Variants in SMYD3 observed in about 807,000 individuals in gnomAD.
SMYD3 encodes histone-lysine N-methyltransferase SMYD3.
In SMYD3, 36 loss-of-function variants were observed where a neutral mutation model predicts 57.7. The ratio of observed to expected loss-of-function variants is 0.62; its 90% CI spans 0.48 to 0.82. The LOEUF (loss-of-function observed/expected upper bound fraction) is 0.82. Among genes scored for constraint, SMYD3 ranks in the 40% least tolerant of loss-of-function variants. The pLI is 0.00. For synonymous variants in SMYD3, 211 were observed against 195.0 expected (o/e 1.08, Z -0.68); for missense variants, 515 against 538.8 (o/e 0.96, Z 0.44).
intron 5 of SMYD3, among the ~76,000 whole-genome samples, chr1:245,958,031 G>C (rs1056265758): frequency 1.3e-5 from 2 of 152,102 alleles, no homozygotes; most frequent in African/African-American, 2.4e-5. Context: ...AAAAAAAGCG[G>C]GGGGGAGAAA....
At chr1:246,426,393 T>TA (rs2067218571) in intron 1 of SMYD3, among the ~76,000 whole-genome samples, 1 of 152,294 alleles carries the variant, frequency 6.6e-6, no homozygotes, top group Middle Eastern at 3.4e-3. Context: ...TTAGGCCCAT[T>TA]AGGAGTTACT....
At position 245,928,036 on chromosome 1, in the gene SMYD3, G is replaced by A. The variant is rs1359448994; in HGVS notation, c.600-3C>T. 1.9e-6 allele frequency: 3 copies of A among 1,593,838 alleles called. No homozygotes were observed. The highest frequency in any genetic ancestry group is 2.3e-5 in the South Asian group (2 of 88,472). Reference sequence around the variant, plus strand: ...AGCTGTGATTGAGCAAAGAGATACTGGAAAAAAAAAGGGGGGAAGACTGTC... The same window carrying A: ...AGCTGTGATTGAGCAAAGAGATACTAGAAAAAAAAAGGGGGGAAGACTGTC... On this transcript the variant is annotated splice_region_variant and splice_polypyrimidine_tract_variant and intron_variant, in intron 6 of 11. Coordinates refer to ENST00000490107, the MANE Select transcript of SMYD3 (RefSeq NM_001167740.2).
intron 5 of SMYD3, among the ~76,000 whole-genome samples, chr1:246,312,033 C>G (rs188750830): frequency 6.6e-6 from 1 of 152,270 alleles, no homozygotes; most frequent in East Asian, 1.9e-4. Context: ...AAGCATAATG[C>G]AAGCCATGGA....
rs554964642 is a variant in SMYD3, at chr1:246,232,121, G to C, written c.531+95080C>G. ...ATACATTGAGATTCGGGAATAATTA[G>C]AATATTTATATTTGTAATAAATCCA... On this transcript the variant is annotated intron_variant, in intron 5 of 11. Transcript: ENST00000490107. Among the ~76,000 whole-genome samples, 3 of 144,354 alleles carry C rather than the reference G, an allele frequency of 2.1e-5. No homozygotes were observed. The South Asian group carries it at 7.0e-4, about 34-fold the overall frequency. The allele number at this position is 144,354 out of a possible 152,430, so 94.7% of individuals were successfully genotyped here.
At chr1:245,965,811 A>T (rs1391380176) in intron 5 of SMYD3, among the ~76,000 whole-genome samples, 3 of 152,238 alleles carry the variant, frequency 2.0e-5, no homozygotes, top group Admixed American at 2.0e-4. Context: ...CAGTGAAGAC[A>T]TGCCATTCTA....
chr1:246,316,800 C>G (rs2065168308), intron 5 of SMYD3, among the ~76,000 whole-genome samples: 1 of 150,848 alleles, frequency 6.6e-6, no homozygotes, highest in African/African-American at 2.4e-5. Context: ...TCAAGACCAT[C>G]CTGGCCAACA....
chr1:246,255,494 A>T (rs1572287087), intron 5 of SMYD3, among the ~76,000 whole-genome samples: 2 of 152,034 alleles, frequency 1.3e-5, no homozygotes, highest in East Asian at 1.9e-4. Context: ...TGATTTGCAT[A>T]TATTGAATCA....
rs1216388145 is a variant in SMYD3 at position 245,821,377 on chromosome 1, C to A, written c.1076+37119G>T. Among the ~76,000 whole-genome samples, 3 of 82,108 alleles carry A rather than the reference C, an allele frequency of 3.7e-5. 1 individual carries two copies. Among genetic ancestry groups the A allele is most frequent in the African/African-American group, 7.7e-5 (3 of 38,932 alleles). The allele number at this position is 82,108 out of a possible 152,430, so 53.9% of individuals were successfully genotyped here. A position where few individuals can be genotyped will look rare whatever the true frequency, so the allele number is the denominator to read the frequency against. ...GCTGAAACTGGATCCCTTTCTTACACCTTATAGAAAAATCAATTCAAGATT... is the reference window on the plus strand; with the variant it reads ...GCTGAAACTGGATCCCTTTCTTACAACTTATAGAAAAATCAATTCAAGATT... On this transcript the variant is annotated intron_variant, in intron 10 of 11. Transcript: ENST00000490107.
intron 5 of SMYD3, among the ~76,000 whole-genome samples, chr1:246,274,502 T>G (rs1273043687): frequency 1.3e-5 from 2 of 152,220 alleles, no homozygotes; most frequent in East Asian, 3.8e-4. Flanking sequence ...ATTCTCCAAG[T>G]GCACGTATTT....
chr1:246,236,553 T>G (rs2063515008), intron 5 of SMYD3, among the ~76,000 whole-genome samples: 1 of 152,184 alleles, frequency 6.6e-6, no homozygotes, highest in Non-Finnish European at 1.5e-5. Context: ...CAGCTGGGAC[T>G]ACAGAGGCCT....
At chr1:246,030,175 G>A (rs938277811) in intron 5 of SMYD3, among the ~76,000 whole-genome samples, 47 of 151,956 alleles carry the variant, frequency 3.1e-4, no homozygotes, top group African/African-American at 1.0e-3. Context: ...CTACTTTCAC[G>A]CATGAAGCAT....
At chr1:246,171,643 C>T (rs751776267) in intron 5 of SMYD3, among the ~76,000 whole-genome samples, 2 of 152,158 alleles carry the variant, frequency 1.3e-5, no homozygotes, top group African/African-American at 4.8e-5. Context: ...GTACTGAATA[C>T]TATAGGCAGT....
chr1:245,892,061 A>G (rs1572607497), intron 8 of SMYD3, among the ~76,000 whole-genome samples: 1 of 151,996 alleles, frequency 6.6e-6, no homozygotes, highest in African/African-American at 2.4e-5. Context: ...AAAGAAAAAC[A>G]CCAACCACCC....
intron 5 of SMYD3, among the ~76,000 whole-genome samples, chr1:245,933,944 GC>G (rs1263546123): frequency 6.6e-6 from 1 of 151,610 alleles, no homozygotes. Flanking sequence ...CCACTTCCCA[GC>G]CCCCTCCCCC....
At chr1:246,458,724 C>T (rs2067745808) in intron 1 of SMYD3, among the ~76,000 whole-genome samples, 1 of 150,790 alleles carries the variant, frequency 6.6e-6, no homozygotes, top group Non-Finnish European at 1.5e-5. Context: ...CCTCAGCCTC[C>T]CAAAGTGCTG....
intron 5 of SMYD3, among the ~76,000 whole-genome samples, chr1:246,241,030 TCTG>T (rs531633039): frequency 1.1e-3 from 169 of 152,210 alleles, no homozygotes; most frequent in East Asian, 1.6e-3. Context: ...ACTCATGTCA[TCTG>T]CTAACAGGGA....
Position 245,817,662 on chromosome 1 carries a change from G to A in SMYD3, c.1076+40834C>T, listed in dbSNP as rs897023503. Among the ~76,000 whole-genome samples the A allele has an allele frequency of 2.6e-5, 4 of 151,722 alleles. No homozygotes were observed. The East Asian group carries it at 5.9e-4, about 22-fold the overall frequency. On this transcript the variant is annotated intron_variant, in intron 10 of 11. Coordinates refer to ENST00000490107, the MANE Select transcript of SMYD3 (RefSeq NM_001167740.2). ...TGAAAACTTTGAAAAAAATTTAGAA[G>A]AATGTATAACTAGAATAACCAATAC...
chr1:246,393,764 G>A (rs1485763333), intron 1 of SMYD3, among the ~76,000 whole-genome samples: 2 of 152,018 alleles, frequency 1.3e-5, no homozygotes, highest in Non-Finnish European at 2.9e-5. Context: ...GCTGAGGTAG[G>A]AGGACTGCTT....
intron 5 of SMYD3, among the ~76,000 whole-genome samples, chr1:246,252,350 G>C (rs6675598): frequency 0.21 from 31,462 of 151,876 alleles, 3,994 homozygotes; most frequent in East Asian, 0.58. Context: ...CACAGTGTTT[G>C]CTAAGTGCCA....
Sources: gnomAD v4.1 joint callset for allele counts (sites outside exome capture counted in the v4.1 genomes callset) on GRCh38, gnomAD v4.1.1 for gene constraint, MANE v1.5 for transcripts, NCBI Gene and HGNC (gene_info 2026-07-23, HGNC 2026-07-21) for gene names.